OTUB2: variants seen among roughly 807,000 people sequenced by gnomAD.
OTUB2 encodes OTU deubiquitinase, ubiquitin aldehyde binding 2, also known as ubiquitin thioesterase OTUB2.
In OTUB2, 21 loss-of-function variants were observed where a neutral mutation model predicts 25.1. That is an observed-to-expected ratio of 0.84 (90% confidence interval 0.59 to 1.21). OTUB2 has a LOEUF of 1.21. Among genes scored for constraint, OTUB2 ranks in the 50% most tolerant of loss-of-function variants. The pLI is 0.00. For synonymous variants in OTUB2, 122 were observed against 122.8 expected (o/e 0.99, Z 0.04); for missense variants, 283 against 298.0 (o/e 0.95, Z 0.37).
intron 1 of OTUB2, among the ~76,000 whole-genome samples, chr14:94,027,805 C>T (rs11628244): frequency 0.11 from 16,884 of 152,216 alleles, 1,028 homozygotes; most frequent in Middle Eastern, 0.19. Context: ...AGCCTGCTGC[C>T]TGGGGCATAG....
At chr14:94,044,901 C>G (rs768328907) in intron 5 of OTUB2, 121 bp downstream of exon 5, 16 of 1,070,996 alleles carry the variant, frequency 1.5e-5, no homozygotes, top group Non-Finnish European at 2.1e-5. Context: ...GCAATTCAAA[C>G]AGAGCTAGGT....
At chr14:94,026,650 C>T in intron 1 of OTUB2, 110 bp downstream of exon 1, 2 of 1,120,482 alleles carry the variant, frequency 1.8e-6, no homozygotes, top group Non-Finnish European at 2.3e-6. Context: ...CGAGGCTCAG[C>T]CCCCAGCTCG....
chr14:94,041,433 TTTTC>T (rs1477805128), intron 3 of OTUB2, among the ~76,000 whole-genome samples: 1 of 152,006 alleles, frequency 6.6e-6, no homozygotes, highest in African/African-American at 2.4e-5. Flanking sequence ...CACCAGCATT[TTTTC>T]TTTCTTTTTT....
At chr14:94,031,992 C>G (rs564071526) in intron 1 of OTUB2, among the ~76,000 whole-genome samples, 1 of 152,254 alleles carries the variant, frequency 6.6e-6, no homozygotes, top group African/African-American at 2.4e-5. Flanking sequence ...AAGCATCATG[C>G]CTGATTTATG....
At chr14:94,039,922 G>A (rs1266952103) in intron 3 of OTUB2, among the ~76,000 whole-genome samples, 1 of 152,112 alleles carries the variant, frequency 6.6e-6, no homozygotes, top group African/African-American at 2.4e-5. Flanking sequence ...TTCTTTGGCT[G>A]AGGCAGGTTT....
chr14:94,036,170 G>T (rs1885051382), intron 1 of OTUB2, among the ~76,000 whole-genome samples: 1 of 152,202 alleles, frequency 6.6e-6, no homozygotes, highest in African/African-American at 2.4e-5. Flanking sequence ...ATTGGGTTGA[G>T]ATCATTATCT....
In OTUB2 at chr14:94,032,330, C is replaced by T. The variant is rs148582003; in HGVS notation, c.4-5050C>T. Among the ~76,000 whole-genome samples the T allele has an allele frequency of 2.8e-3, 429 of 152,202 alleles. 3 individuals are homozygous for T. Among genetic ancestry groups the T allele is most frequent in the African/African-American group, 9.9e-3 (411 of 41,496 alleles). Reference sequence around the variant, plus strand: ...GTGTGGAGTAAAGGGAAAAAAATATCCAGAATATCTATAGAATAGTATTAT... The same window carrying T: ...GTGTGGAGTAAAGGGAAAAAAATATTCAGAATATCTATAGAATAGTATTAT... On this transcript the variant is annotated intron_variant, in intron 1 of 5. Transcript: ENST00000203664.
At chr14:94,042,825 C>T (rs1012312536) in intron 3 of OTUB2, among the ~76,000 whole-genome samples, 3 of 152,158 alleles carry the variant, frequency 2.0e-5, no homozygotes, top group East Asian at 3.9e-4. Flanking sequence ...CCTCAGCACC[C>T]CTGCAGTCAA....
chr14:94,048,768 G>GC lies in OTUB2; in HGVS notation c.*2847dup, dbSNP rs58727481. On this transcript the variant is annotated 3_prime_UTR_variant, in exon 6 of 6. Coordinates refer to ENST00000203664, the MANE Select transcript of OTUB2 (RefSeq NM_023112.4). ...GGGAACCATGAGAGAGAGTCTAGGAGCAAACACATCACCACCCTGAGCAGA... is the reference window on the plus strand; with the variant it reads ...GGGAACCATGAGAGAGAGTCTAGGAGCCAAACACATCACCACCCTGAGCAGA... The GC allele has an allele frequency of 0.53, 80,639 of 151,948 alleles. 23,446 individuals are homozygous for GC. Among genetic ancestry groups the GC allele is most frequent in the African/African-American group, 0.79 (32,540 of 41,422 alleles). 9.4% of individuals were successfully genotyped at this position (151,948 alleles called of 1,614,324 possible).
chr14:94,028,268 A>G (rs1263438033), intron 1 of OTUB2, among the ~76,000 whole-genome samples: 7 of 152,196 alleles, frequency 4.6e-5, no homozygotes, highest in Non-Finnish European at 8.8e-5. Flanking sequence ...CATGGCATTT[A>G]TTGAGCACCT....
At chr14:94,028,341 T>C (rs2141405722) in intron 1 of OTUB2, among the ~76,000 whole-genome samples, 1 of 152,278 alleles carries the variant, frequency 6.6e-6, no homozygotes, top group East Asian at 1.9e-4. Context: ...TGAACTTGCA[T>C]TGTGTGGATG....
chr14:94,026,494 C>A lies in OTUB2; in HGVS notation c.-44C>A, dbSNP rs1884861172. 2 of 1,317,196 alleles carry A rather than the reference C, an allele frequency of 1.5e-6. No individual in the cohort carries two copies. The highest frequency in any genetic ancestry group is 1.5e-5 in the African/African-American group (1 of 65,254). 81.6% of individuals were successfully genotyped at this position (1,317,196 alleles called of 1,614,324 possible). A position where few individuals can be genotyped will look rare whatever the true frequency, so the allele number is the denominator to read the frequency against. ...CTCCCGCGGCATTCCCGCACCGGAT[C>A]GCTCCTCGCTGGGGCGGGACCTGGC... On this transcript the variant is annotated 5_prime_UTR_variant, in exon 1 of 6. Transcript: ENST00000203664.
Position 94,044,206 on chromosome 14 carries a change from G to C in OTUB2, c.303+151G>C, listed in dbSNP as rs1174949280. ...TTGTGGGGGTGTGTGGGCACAGGGA[G>C]CCCTCACCCTATTCCCTCACCCTAT... is the stretch of plus-strand genomic sequence containing the variant. On this transcript the variant is annotated intron_variant, in intron 4 of 5. Transcript: ENST00000203664. The C allele has an allele frequency of 3.7e-6, 3 of 800,934 alleles. No individual in the cohort carries two copies. The South Asian group carries it at 4.6e-5, about 12-fold the overall frequency. 49.6% of individuals were successfully genotyped at this position (800,934 alleles called of 1,614,324 possible). A position where few individuals can be genotyped will look rare whatever the true frequency, so the allele number is the denominator to read the frequency against.
At chr14:94,031,320 C>G (rs544026591) in intron 1 of OTUB2, among the ~76,000 whole-genome samples, 1 of 152,284 alleles carries the variant, frequency 6.6e-6, no homozygotes, top group East Asian at 1.9e-4. Flanking sequence ...GAGTACACAT[C>G]TGAAGGGATA....
In OTUB2 at chr14:94,044,907, T is replaced by C. The variant is rs556506657; in HGVS notation, c.498+127T>C. ...ACTGCCCTTGCAATTCAAACAGAGC[T>C]AGGTCAGCAAGCTGCAGACAGGTCC... On this transcript the variant is annotated intron_variant, in intron 5 of 5. Transcript: ENST00000203664. 12 of 1,013,600 alleles carry C rather than the reference T, an allele frequency of 1.2e-5. No individual in the cohort carries two copies. In the East Asian group the frequency reaches 3.2e-4, roughly 27 times the overall value. The allele number at this position is 1,013,600 out of a possible 1,614,324, so 62.8% of individuals were successfully genotyped here. A position where few individuals can be genotyped will look rare whatever the true frequency, so the allele number is the denominator to read the frequency against.
rs1031540681 is a variant in OTUB2 at position 94,046,506 on chromosome 14, A to C, written c.*584A>C. ...CCCTAACTTAAGGAGAAAAAAAAAAAGACTTCCTTTTTTTGCCAAAGTCCA... is the reference window on the plus strand; with the variant it reads ...CCCTAACTTAAGGAGAAAAAAAAAACGACTTCCTTTTTTTGCCAAAGTCCA... On this transcript the variant is annotated 3_prime_UTR_variant, in exon 6 of 6. Coordinates refer to ENST00000203664, the MANE Select transcript of OTUB2 (RefSeq NM_023112.4). The C allele has an allele frequency of 6.5e-6, 1 of 153,098 alleles. No homozygotes were observed. Among genetic ancestry groups the C allele is most frequent in the Admixed American group, 6.5e-5 (1 of 15,402 alleles). 9.5% of individuals were successfully genotyped at this position (153,098 alleles called of 1,614,324 possible). A position where few individuals can be genotyped will look rare whatever the true frequency, so the allele number is the denominator to read the frequency against.
At chr14:94,042,851 C>T (rs1431260357) in intron 3 of OTUB2, among the ~76,000 whole-genome samples, 1 of 152,220 alleles carries the variant, frequency 6.6e-6, no homozygotes, top group Non-Finnish European at 1.5e-5. Context: ...CATCACCATC[C>T]ACACTTGCGC....
At chr14:94,038,922 T>A (rs760663868) in intron 2 of OTUB2, 41 bp from the exon 3 acceptor site, 1 of 1,576,454 alleles carries the variant, frequency 6.3e-7, no homozygotes, top group South Asian at 1.1e-5. Flanking sequence ...CACAGAGCCG[T>A]TGTTGGTGCA....
At chr14:94,045,090 T>C (rs1039774313) in intron 5 of OTUB2, among the ~76,000 whole-genome samples, 2 of 152,198 alleles carry the variant, frequency 1.3e-5, no homozygotes, top group Non-Finnish European at 2.9e-5. Context: ...TGCATGGTAT[T>C]TACCAGAAAG....
Sources: gnomAD v4.1 joint callset for allele counts (sites outside exome capture counted in the v4.1 genomes callset) on GRCh38, gnomAD v4.1.1 for gene constraint, MANE v1.5 for transcripts, NCBI Gene and HGNC (gene_info 2026-07-23, HGNC 2026-07-21) for gene names.